NRF1: variants seen among roughly 807,000 people sequenced by gnomAD.
NRF1 encodes the protein nuclear respiratory factor 1, also known as alpha palindromic-binding protein.
In NRF1, 5 loss-of-function variants were observed where a neutral mutation model predicts 58.5. That is an observed-to-expected ratio of 0.09 (90% CI 0.04 to 0.18). The LOEUF (loss-of-function observed/expected upper bound fraction) is 0.18. NRF1 is among the 10% of genes least tolerant of loss of function. The pLI is 1.00. For missense variants in NRF1, 288 were observed against 657.7 expected (o/e 0.44, Z 6.15); for synonymous variants, 224 against 246.7 (o/e 0.91, Z 0.86).
chr7:129,725,340 T>G (rs1447584986), intron 9 of NRF1, among the ~76,000 whole-genome samples: 1 of 152,126 alleles, frequency 6.6e-6, no homozygotes, highest in African/African-American at 2.4e-5. Context: ...ATCTTTTTTT[T>G]TTTTTTGAGA....
intron 10 of NRF1, 50 bp from the exon 11 acceptor site, chr7:129,754,968 T>G: frequency 6.7e-7 from 1 of 1,493,552 alleles, no homozygotes; most frequent in Non-Finnish European, 9.0e-7. Context: ...AGCCAGCATC[T>G]GGGAACTTGA....
intron 5 of NRF1, among the ~76,000 whole-genome samples, chr7:129,692,636 C>T (rs952411321): frequency 2.0e-5 from 3 of 152,208 alleles, no homozygotes; most frequent in Admixed American, 6.5e-5. Flanking sequence ...CTTGTTTAAG[C>T]CCTGTAATGG....
chr7:129,660,558 T>C (rs1481327611), intron 2 of NRF1, among the ~76,000 whole-genome samples: 1 of 150,818 alleles, frequency 6.6e-6, no homozygotes, highest in Non-Finnish European at 1.5e-5. Context: ...ACAGGCCCCA[T>C]GCAAGTCCGA....
chr7:129,657,455 A>G lies in NRF1; in HGVS notation c.104A>G (p.His35Arg), dbSNP rs529427966. 3 of 1,614,020 alleles carry G rather than the reference A, an allele frequency of 1.9e-6. No homozygotes were observed. Among genetic ancestry groups the G allele is most frequent in the Admixed American group, 1.7e-5 (1 of 59,996 alleles). The change falls in exon 2 of 11, where the codon CAT becomes CGT. Residue 35 changes from histidine to arginine, a missense_variant. His to Arg is a conservative substitution (Grantham distance 29). Around this residue, in one of 3 missense-constraint regions of NRF1, gnomAD observed 48 missense variants for 65.5 expected, o/e 0.73. Coordinates refer to ENST00000393232, the MANE Select transcript of NRF1 (RefSeq NM_005011.5). ...GTCCATGTGGCTACTTACACCGAGC[A>G]TAGTATGCTGAGTGCTGATGAAGAC... ...QQVHVATYTE[H>R]SMLSADEDSP...
chr7:129,685,946 CA>C (rs916762116), intron 4 of NRF1, among the ~76,000 whole-genome samples: 1 of 150,810 alleles, frequency 6.6e-6, no homozygotes, highest in African/African-American at 2.4e-5. Context: ...ACTAAAAATG[CA>C]AAAAAATAGC....
rs537495367 is a variant in NRF1 at position 129,638,112 on chromosome 7, T to C, written c.-6-19234T>C. On this transcript the variant is annotated intron_variant, in intron 1 of 10. Transcript: ENST00000393232. ...TGCTACTGGCACAGTTTTTTTTTTTTCAATAGTTCACTCTTTTTGGGGGTT... is the reference window on the plus strand; with the variant it reads ...TGCTACTGGCACAGTTTTTTTTTTTCCAATAGTTCACTCTTTTTGGGGGTT... Among the ~76,000 whole-genome samples the C allele has an allele frequency of 3.9e-5, 6 of 152,240 alleles. No individual in the cohort carries two copies. In the East Asian group the frequency reaches 1.2e-3, roughly 29 times the overall value.
intron 8 of NRF1, among the ~76,000 whole-genome samples, chr7:129,716,804 A>G (rs1803200980): frequency 6.6e-6 from 1 of 150,688 alleles, no homozygotes; most frequent in African/African-American, 2.4e-5. Context: ...TGGGATGTGG[A>G]GGTTGCAGTG....
chr7:129,669,747 A>G (rs1377089102), intron 2 of NRF1, among the ~76,000 whole-genome samples: 1 of 152,208 alleles, frequency 6.6e-6, no homozygotes, highest in Non-Finnish European at 1.5e-5. Flanking sequence ...GTGGGAATGT[A>G]CAGTGGTCCA....
At chr7:129,646,123 C>T (rs1217564169) in intron 1 of NRF1, among the ~76,000 whole-genome samples, 4 of 152,306 alleles carry the variant, frequency 2.6e-5, no homozygotes, top group Non-Finnish European at 5.9e-5. Context: ...GGATTACAGG[C>T]GTGAGCCACC....
intron 1 of NRF1, among the ~76,000 whole-genome samples, chr7:129,612,413 G>A (rs1423321885): frequency 6.6e-6 from 1 of 152,206 alleles, no homozygotes; most frequent in African/African-American, 2.4e-5. Flanking sequence ...CTGCCGGGGT[G>A]GCGTGGGCTT....
chr7:129,754,172 T>A (rs1266785750), intron 10 of NRF1, among the ~76,000 whole-genome samples: 1 of 151,592 alleles, frequency 6.6e-6, no homozygotes, highest in Non-Finnish European at 1.5e-5. Context: ...TTTAAAAAAA[T>A]CAAAATGGTC....
intron 5 of NRF1, among the ~76,000 whole-genome samples, chr7:129,704,739 T>C (rs1467529257): frequency 6.6e-6 from 1 of 152,208 alleles, no homozygotes; most frequent in East Asian, 1.9e-4. Context: ...TTTAATAATT[T>C]TGTGCATGAA....
intron 1 of NRF1, among the ~76,000 whole-genome samples, chr7:129,612,971 C>G (rs1180656401): frequency 6.6e-6 from 1 of 152,200 alleles, no homozygotes; most frequent in African/African-American, 2.4e-5. Flanking sequence ...TCTTCTTAAG[C>G]ATTAGATTAG....
chr7:129,750,607 A>G (rs769653528), intron 10 of NRF1, among the ~76,000 whole-genome samples: 97 of 152,338 alleles, frequency 6.4e-4, no homozygotes, highest in Non-Finnish European at 1.2e-3. Context: ...GACTCCCATC[A>G]TGGCCTCCCT....
chr7:129,667,024 C>T (rs887405895), intron 2 of NRF1, among the ~76,000 whole-genome samples: 4 of 152,108 alleles, frequency 2.6e-5, no homozygotes, highest in African/African-American at 9.7e-5. Context: ...CTAGTCTGTT[C>T]TATTTTATTA....
At chr7:129,614,863 A>T (rs149525581) in intron 1 of NRF1, among the ~76,000 whole-genome samples, 1 of 152,094 alleles carries the variant, frequency 6.6e-6, no homozygotes, top group Non-Finnish European at 1.5e-5. Context: ...CATGATTTAA[A>T]TACCTGAATT....
chr7:129,750,933 T>C (rs1176587668), intron 10 of NRF1, among the ~76,000 whole-genome samples: 1 of 152,142 alleles, frequency 6.6e-6, no homozygotes, highest in Non-Finnish European at 1.5e-5. Flanking sequence ...TCATTCATGG[T>C]AGTAGAAAAC....
At chr7:129,747,599 TC>T (rs1422249861) in intron 10 of NRF1, among the ~76,000 whole-genome samples, 1 of 152,154 alleles carries the variant, frequency 6.6e-6, no homozygotes, top group Non-Finnish European at 1.5e-5. Context: ...TAATGTGTCA[TC>T]CCATCTATCT....
At chr7:129,612,262 G>A (rs1410971526) in intron 1 of NRF1, among the ~76,000 whole-genome samples, 6 of 149,334 alleles carry the variant, frequency 4.0e-5, no homozygotes, top group Non-Finnish European at 8.9e-5. Context: ...CGCGGCTCTC[G>A]GCTCGCCCCC....
Sources: allele counts gnomAD v4.1 joint callset (sites outside exome capture counted in the v4.1 genomes callset), GRCh38; gene constraint gnomAD v4.1.1; regional missense constraint gnomAD v4.1.1; transcripts MANE v1.5; gene names NCBI Gene and HGNC (gene_info 2026-07-23, HGNC 2026-07-21).